Variants in CUX1 observed in about 807,000 individuals in gnomAD.
CUX1 encodes the protein protein CASP.
Under a neutral mutation model 158.8 loss-of-function variants are expected in CUX1, and 31 were observed. The ratio of observed to expected loss-of-function variants is 0.20; its 90% CI spans 0.15 to 0.26. The LOEUF (loss-of-function observed/expected upper bound fraction) is 0.26. Ranked by LOEUF, CUX1 falls within the 10% of genes least tolerant of loss-of-function variation. CUX1 has a pLI of 1.00. For missense variants in CUX1, 1,589 were observed against 2,014.6 expected (o/e 0.79, Z 4.04); for synonymous variants, 879 against 862.1 (o/e 1.02, Z -0.34).
In CUX1 at chr7:102,239,529, G is replaced by A. The variant is rs1554534118; in HGVS notation, c.3832G>A (p.Ala1278Thr). 2 of 1,613,970 alleles carry A rather than the reference G, an allele frequency of 1.2e-6. No individual in the cohort carries two copies. The highest frequency in any genetic ancestry group is 2.7e-5 in the African/African-American group (2 of 74,928). Residue 1278 changes from alanine (A) to threonine (T), a missense_variant, in exon 23 of 24, where the codon GCC (alanine) becomes ACC (threonine). By Grantham distance (58) the Ala-to-Thr change is moderately conservative. Transcript: ENST00000292535. The stretch of plus-strand genomic sequence containing the variant: ...GTCACCAAAAACCATCGAAGACCTC[G>A]CCACCCAGCTCAACCTGAAAACCAG... ...YPSPKTIEDL[A>T]TQLNLKTSTV... is the part of the protein sequence containing the mutation.
intron 2 of CUX1, among the ~76,000 whole-genome samples, chr7:101,959,204 A>G (rs1426985701): frequency 6.6e-6 from 1 of 150,958 alleles, no homozygotes; most frequent in African/African-American, 2.4e-5. Context: ...CTTTTCCCCC[A>G]GAATGTTTTC....
chr7:101,923,392 G>A (rs566992837), intron 2 of CUX1, among the ~76,000 whole-genome samples: 129 of 152,308 alleles, frequency 8.5e-4, no homozygotes, highest in African/African-American at 2.9e-3. Context: ...AAGAGAGGAG[G>A]AGAACCACAT....
chr7:102,201,546 C>T lies in CUX1; in HGVS notation c.2249C>T (p.Pro750Leu). 1 of 1,614,172 alleles carries T rather than the reference C, an allele frequency of 6.2e-7. No individual in the cohort carries two copies. Among genetic ancestry groups the T allele is most frequent in the Non-Finnish European group, 8.5e-7 (1 of 1,180,030 alleles). ...ILTPKLLSTSPMPTVSSYPPL... is the reference protein window; with the variant it reads ...ILTPKLLSTSLMPTVSSYPPL... ...ACCCCCAAGCTTCTGTCCACCTCGC[C>T]CATGCCCACCGTGTCCAGCTACCCA... Residue 750 changes from proline (P) to leucine (L), a missense_variant, in exon 18 of 24, where the codon CCC (proline) becomes CTC (leucine). Physicochemically the swap from Pro to Leu is moderately conservative, Grantham distance 98. Around this residue, in one of 8 missense-constraint regions of CUX1, gnomAD observed 337 missense variants for 409.3 expected, o/e 0.82. Coordinates refer to ENST00000292535, the MANE Select transcript of CUX1 (RefSeq NM_181552.4). This position sits in a 1 kb window ranked among gnomAD's most constrained non-coding sequence, Gnocchi z 5.0.
At chr7:102,162,209 G>A (rs748218662) in intron 9 of CUX1, among the ~76,000 whole-genome samples, 7 of 152,142 alleles carry the variant, frequency 4.6e-5, no homozygotes, top group South Asian at 4.1e-4. Flanking sequence ...GCCAGGGGAC[G>A]GAGCCAGGCT....
Position 101,878,362 on chromosome 7 carries a change from C to T in CUX1, c.31-37753C>T, listed in dbSNP as rs12674396. ...GGTGGGTCCTTTTAGAGACCAACCTCGCAGTTAGCCAGCAACAGGCTGCAG... is the reference window on the plus strand; with the variant it reads ...GGTGGGTCCTTTTAGAGACCAACCTTGCAGTTAGCCAGCAACAGGCTGCAG... On this transcript the variant is annotated intron_variant, in intron 1 of 23. Coordinates refer to ENST00000292535, the MANE Select transcript of CUX1 (RefSeq NM_181552.4). Among the ~76,000 whole-genome samples, 69 of 152,290 alleles carry T rather than the reference C, an allele frequency of 4.5e-4. No homozygotes were observed. The East Asian group carries it at 0.013, about 28-fold the overall frequency.
chr7:102,216,801 C>T (rs1367727033), intron 20 of CUX1, among the ~76,000 whole-genome samples: 5 of 47,164 alleles, frequency 1.1e-4, no homozygotes, highest in African/African-American at 2.4e-4. Context: ...CTCTCCCACA[C>T]ACACCCCCAC....
intron 1 of CUX1, among the ~76,000 whole-genome samples, chr7:101,891,209 T>TTTGTTTTGTTG (rs1428185023): frequency 6.6e-6 from 1 of 152,062 alleles, no homozygotes; most frequent in African/African-American, 2.4e-5. Context: ...GTTTTTTTAT[T>TTTGTTTTGTTG]TTGTTTTGTT....
chr7:102,050,234 T>C (rs1232962882), intron 3 of CUX1, among the ~76,000 whole-genome samples: 1 of 152,146 alleles, frequency 6.6e-6, no homozygotes, highest in Admixed American at 6.5e-5. Flanking sequence ...GTCCCATCCA[T>C]ATAACAGGAA....
chr7:101,985,658 G>T (rs1014739206), intron 2 of CUX1, among the ~76,000 whole-genome samples: 2 of 152,170 alleles, frequency 1.3e-5, no homozygotes, highest in Non-Finnish European at 2.9e-5. Flanking sequence ...CCACATCTCA[G>T]TTTCCTCATC....
At chr7:102,243,800 G>A (rs1800509965) in intron 23 of CUX1, among the ~76,000 whole-genome samples, 2 of 151,876 alleles carry the variant, frequency 1.3e-5, no homozygotes, top group Non-Finnish European at 2.9e-5. Flanking sequence ...GGCCAAGGCG[G>A]GCAGATCATC....
At chr7:102,169,285 T>A (rs1791461500) in intron 9 of CUX1, among the ~76,000 whole-genome samples, 2 of 151,984 alleles carry the variant, frequency 1.3e-5, no homozygotes, top group South Asian at 4.1e-4. Flanking sequence ...GCCAGGCTGG[T>A]CTCGAACCCC....
At chr7:101,900,103 C>T (rs1056246301) in intron 1 of CUX1, among the ~76,000 whole-genome samples, 28 of 152,306 alleles carry the variant, frequency 1.8e-4, no homozygotes, top group African/African-American at 6.3e-4. Flanking sequence ...ACTGTTCCAG[C>T]GCCCAGAATG....
At chr7:102,125,002 G>A (rs1402560744) in intron 8 of CUX1, among the ~76,000 whole-genome samples, 1 of 152,070 alleles carries the variant, frequency 6.6e-6, no homozygotes, top group East Asian at 1.9e-4. Context: ...GGCTGGTCTC[G>A]ATCTCCTGAC....
At chr7:102,169,965 C>G (rs545429635) in intron 9 of CUX1, among the ~76,000 whole-genome samples, 2 of 152,262 alleles carry the variant, frequency 1.3e-5, no homozygotes, top group East Asian at 3.9e-4. Flanking sequence ...ACATCCTGTA[C>G]GTTTATGGAA....
At chr7:102,228,466 C>T (rs1260527398) in intron 21 of CUX1, among the ~76,000 whole-genome samples, 2 of 152,088 alleles carry the variant, frequency 1.3e-5, no homozygotes, top group African/African-American at 4.8e-5. Context: ...CGAGACCAGC[C>T]TAGGCAACAT....
At chr7:102,065,211 G>C (rs1000131314) in intron 3 of CUX1, among the ~76,000 whole-genome samples, 3 of 152,036 alleles carry the variant, frequency 2.0e-5, no homozygotes, top group Non-Finnish European at 4.4e-5. Context: ...CCTCCGAGGA[G>C]CTGGGACTAC....
chr7:102,195,345 C>T (rs1364929097), intron 13 of CUX1, among the ~76,000 whole-genome samples, 162 bp from the exon 14 acceptor site: 1 of 152,202 alleles, frequency 6.6e-6, no homozygotes, highest in East Asian at 1.9e-4. Flanking sequence ...GTGTGTTAAA[C>T]GACTTGGGGG....
At chr7:102,161,808 G>A (rs140400523) in intron 9 of CUX1, among the ~76,000 whole-genome samples, 9,733 of 152,052 alleles carry the variant, frequency 0.064, 432 homozygotes, top group African/African-American at 0.11. Flanking sequence ...GGGTTTCACC[G>A]TGTTGGCCAG....
chr7:101,864,455 C>A (rs1248241065), intron 1 of CUX1, among the ~76,000 whole-genome samples: 2 of 152,072 alleles, frequency 1.3e-5, no homozygotes. Context: ...AGCCACCATG[C>A]CTAGCCTGGA....
Sources: allele counts gnomAD v4.1 joint callset (sites outside exome capture counted in the v4.1 genomes callset), GRCh38; gene constraint gnomAD v4.1.1; regional missense constraint gnomAD v4.1.1; non-coding constraint Gnocchi (gnomAD v3.1); transcripts MANE v1.5; gene names NCBI Gene and HGNC (gene_info 2026-07-23, HGNC 2026-07-21).